AHI1: variants seen among roughly 807,000 people sequenced by gnomAD.
AHI1 encodes Abelson helper integration site 1, also known as jouberin.
AHI1 carries 123 observed loss-of-function variants against 149.3 expected under a neutral mutation model. The observed-to-expected ratio is 0.82, with a 90% CI of 0.71 to 0.96. AHI1 has a LOEUF of 0.96. Ranked by LOEUF, AHI1 falls within the 40% of genes least tolerant of loss-of-function variation. The pLI is 0.00. For missense variants in AHI1, 1,439 were observed against 1,422.7 expected (o/e 1.01, Z -0.18); for synonymous variants, 475 against 459.8 (o/e 1.03, Z -0.42).
intron 26 of AHI1, among the ~76,000 whole-genome samples, chr6:135,304,511 C>T (rs1247264315): frequency 1.3e-5 from 2 of 152,158 alleles, no homozygotes; most frequent in East Asian, 3.8e-4. Flanking sequence ...GTGGCTCACA[C>T]CTGTAATCCC....
intron 23 of AHI1, among the ~76,000 whole-genome samples, chr6:135,377,830 A>G (rs954468418): frequency 1.3e-5 from 2 of 152,124 alleles, no homozygotes; most frequent in African/African-American, 4.8e-5. Context: ...GAAAACAAAT[A>G]GAGCACTCCT....
At position 135,363,703 on chromosome 6, in the gene AHI1, C is replaced by T. The variant is rs567414744; in HGVS notation, c.3110-5516G>A. Among the ~76,000 whole-genome samples, 320 of 143,922 alleles carry T rather than the reference C, an allele frequency of 2.2e-3. 3 individuals carry two copies. The highest frequency in any genetic ancestry group is 2.4e-3 in the East Asian group (11 of 4,680). The allele number at this position is 143,922 out of a possible 152,430, so 94.4% of individuals were successfully genotyped here. A position where few individuals can be genotyped will look rare whatever the true frequency, so the allele number is the denominator to read the frequency against. ...CTGACCCCCCCACCTCCCTCCCGGA[C>T]GGGGCGGCTGGCCGGGCAGAGGCGC... is the stretch of plus-strand genomic sequence containing the variant. On this transcript the variant is annotated intron_variant, in intron 23 of 28. Transcript: ENST00000265602.
At chr6:135,352,455 T>C (rs1427819446) in intron 24 of AHI1, among the ~76,000 whole-genome samples, 1 of 152,088 alleles carries the variant, frequency 6.6e-6, no homozygotes, top group Non-Finnish European at 1.5e-5. Flanking sequence ...AATCCCATCC[T>C]TTCATGATCT....
chr6:135,467,009 A>C, intron 6 of AHI1, among the ~76,000 whole-genome samples: 1 of 152,210 alleles, frequency 6.6e-6, no homozygotes, highest in East Asian at 1.9e-4. Flanking sequence ...AAGTAATACA[A>C]GGAAGAGGAG....
intron 22 of AHI1, among the ~76,000 whole-genome samples, chr6:135,395,176 A>G (rs1215713268): frequency 6.6e-6 from 1 of 152,054 alleles, no homozygotes; most frequent in African/African-American, 2.4e-5. Context: ...AGTGGTCTTA[A>G]GTTATGCAAA....
intron 23 of AHI1, among the ~76,000 whole-genome samples, chr6:135,362,470 A>AG (rs1794052769): frequency 6.6e-6 from 1 of 152,138 alleles, no homozygotes; most frequent in African/African-American, 2.4e-5. Flanking sequence ...TGGTTGTACT[A>AG]GTTCATGTTC....
intron 24 of AHI1, among the ~76,000 whole-genome samples, chr6:135,350,985 A>G (rs1792004443): frequency 1.3e-5 from 2 of 152,142 alleles, no homozygotes; most frequent in African/African-American, 4.8e-5. Flanking sequence ...TGACTTACAG[A>G]ACTGATGAAT....
At chr6:135,448,576 G>GT in intron 11 of AHI1, 101 bp from the exon 12 acceptor site, 1 of 912,032 alleles carries the variant, frequency 1.1e-6, no homozygotes, top group Non-Finnish European at 1.5e-6. Context: ...AGATTAATAT[G>GT]GCATGCTGAA....
Position 135,300,414 on chromosome 6 carries a change from T to C in AHI1, c.3485+86A>G, listed in dbSNP as rs73557685. The C allele has an allele frequency of 4.2e-4, 543 of 1,308,294 alleles. 3 individuals carry two copies. The African/African-American group carries it at 7.7e-3, about 18-fold the overall frequency. The allele number at this position is 1,308,294 out of a possible 1,614,324, so 81.0% of individuals were successfully genotyped here. A position where few individuals can be genotyped will look rare whatever the true frequency, so the allele number is the denominator to read the frequency against. Reference sequence around the variant, plus strand: ...AAATTTAACTTATAGTTTGATAATGTTATAAAAATAAGAAATGGAGAAATT... The same window carrying C: ...AAATTTAACTTATAGTTTGATAATGCTATAAAAATAAGAAATGGAGAAATT... On this transcript the variant is annotated intron_variant, in intron 27 of 28. Coordinates refer to ENST00000265602, the MANE Select transcript of AHI1 (RefSeq NM_001134831.2).
chr6:135,331,833 C>T (rs2128398989), intron 24 of AHI1, among the ~76,000 whole-genome samples: 1 of 152,260 alleles, frequency 6.6e-6, no homozygotes, highest in South Asian at 2.1e-4. Context: ...ATCCCACCAC[C>T]TTCTTTATGC....
chr6:135,318,018 C>T (rs1786238788), intron 26 of AHI1, among the ~76,000 whole-genome samples: 1 of 152,238 alleles, frequency 6.6e-6, no homozygotes, highest in East Asian at 1.9e-4. Context: ...ATGACACAGA[C>T]TAAAATACAT....
intron 13 of AHI1, among the ~76,000 whole-genome samples, chr6:135,443,162 C>G (rs1786593960): frequency 6.6e-6 from 1 of 152,164 alleles, no homozygotes; most frequent in East Asian, 1.9e-4. Context: ...CTCTCTTTGC[C>G]TATCTTAAAA....
chr6:135,423,954 C>A (rs1340246206), intron 20 of AHI1, among the ~76,000 whole-genome samples: 1 of 152,088 alleles, frequency 6.6e-6, no homozygotes, highest in African/African-American at 2.4e-5. Flanking sequence ...ACACTACATG[C>A]ATATTTATTA....
At chr6:135,394,511 C>A (rs1276730752) in intron 23 of AHI1, 4 of 407,446 alleles carry the variant, frequency 9.8e-6, no homozygotes, top group Non-Finnish European at 1.8e-5. Flanking sequence ...TAACATCATG[C>A]AGGTTTAAAA....
intron 22 of AHI1, among the ~76,000 whole-genome samples, chr6:135,396,573 A>T (rs913446348): frequency 2.0e-5 from 3 of 151,836 alleles, no homozygotes; most frequent in Non-Finnish European, 3.0e-5. Context: ...AAGTAAGGGT[A>T]ATTAGGTATT....
At chr6:135,460,892 C>T (rs576352930) in intron 8 of AHI1, among the ~76,000 whole-genome samples, 2 of 152,282 alleles carry the variant, frequency 1.3e-5, no homozygotes, top group African/African-American at 4.8e-5. Context: ...ATCTTGATCA[C>T]TGCTTCCTAT....
chr6:135,293,595 G>A (rs570900206), intron 27 of AHI1, among the ~76,000 whole-genome samples: 1 of 109,112 alleles, frequency 9.2e-6, no homozygotes, highest in Non-Finnish European at 1.6e-5. Flanking sequence ...ACAATAATCA[G>A]TAGTATTTCT....
At chr6:135,473,148 C>T (rs886760122) in intron 5 of AHI1, among the ~76,000 whole-genome samples, 1 of 152,058 alleles carries the variant, frequency 6.6e-6, no homozygotes, top group Non-Finnish European at 1.5e-5. Context: ...ATGACATGAT[C>T]CCAAGTTTAT....
intron 21 of AHI1, among the ~76,000 whole-genome samples, chr6:135,407,349 G>A (rs527440673): frequency 2.0e-5 from 3 of 152,294 alleles, no homozygotes; most frequent in South Asian, 4.1e-4. Context: ...GACAAAAGGT[G>A]GGAATTCAGT....
Sources: gnomAD v4.1 joint callset for allele counts (sites outside exome capture counted in the v4.1 genomes callset) on GRCh38, gnomAD v4.1.1 for gene constraint, MANE v1.5 for transcripts, NCBI Gene and HGNC (gene_info 2026-07-23, HGNC 2026-07-21) for gene names.